Variants in BRAF observed in about 807,000 individuals in gnomAD.
BRAF encodes B-Raf proto-oncogene, serine/threonine kinase.
In BRAF, 16 loss-of-function variants were observed where a neutral mutation model predicts 104.6. That is an observed-to-expected ratio of 0.15 (90% confidence interval 0.10 to 0.23). BRAF has a LOEUF of 0.23. Ranked by LOEUF, BRAF falls within the 10% of genes least tolerant of loss-of-function variation. The pLI is 1.00. For synonymous variants in BRAF, 310 were observed against 341.6 expected, an observed-to-expected ratio of 0.91 and a Z score of 1.02; for missense variants, 541 against 937.3, an observed-to-expected ratio of 0.58 and a Z score of 5.52.
intron 1 of BRAF, among the ~76,000 whole-genome samples, chr7:140,899,876 G>T (rs1487649676): frequency 6.6e-6 from 1 of 152,138 alleles, no homozygotes; most frequent in African/African-American, 2.4e-5. Flanking sequence ...CTAACAAAAA[G>T]AATATGGCAG....
intron 5 of BRAF, among the ~76,000 whole-genome samples, chr7:140,804,139 G>A (rs1024646004): frequency 2.6e-5 from 4 of 151,756 alleles, no homozygotes; most frequent in Admixed American, 1.3e-4. Context: ...CGCCTGCCTC[G>A]TCTTCCCAGA....
chr7:140,776,442 A>C (rs1487936940), intron 14 of BRAF, among the ~76,000 whole-genome samples: 1 of 152,214 alleles, frequency 6.6e-6, no homozygotes, highest in Non-Finnish European at 1.5e-5. Flanking sequence ...GCAAAATTCA[A>C]CAGATAGGAA....
chr7:140,744,980 TA>T (rs1364592882), intron 17 of BRAF, among the ~76,000 whole-genome samples: 20 of 152,166 alleles, frequency 1.3e-4, no homozygotes, highest in African/African-American at 4.8e-4. Context: ...AGGTAATCAA[TA>T]AAAGGCTTTA....
At chr7:140,791,830 A>G (rs1025046528) in intron 8 of BRAF, among the ~76,000 whole-genome samples, 1 of 152,192 alleles carries the variant, frequency 6.6e-6, no homozygotes, top group South Asian at 2.1e-4. Flanking sequence ...TCTACTTCTC[A>G]TATTTTTCAC....
At chr7:140,833,717 C>T (rs545243123) in intron 3 of BRAF, among the ~76,000 whole-genome samples, 2 of 152,076 alleles carry the variant, frequency 1.3e-5, no homozygotes, top group African/African-American at 4.8e-5. Flanking sequence ...TATTTTATTA[C>T]TTTTTATTCC....
chr7:140,919,410 T>C (rs1006134972), intron 1 of BRAF, among the ~76,000 whole-genome samples: 6 of 152,142 alleles, frequency 3.9e-5, no homozygotes, highest in Admixed American at 1.3e-4. Context: ...TTACTGGGCA[T>C]TGAGTTCCCT....
chr7:140,785,120 T>C (rs1801223850), intron 10 of BRAF, among the ~76,000 whole-genome samples: 1 of 152,168 alleles, frequency 6.6e-6, no homozygotes, highest in African/African-American at 2.4e-5. Context: ...CTTTTTTTTG[T>C]CTTTTTTAAC....
intron 8 of BRAF, 80 bp from the exon 9 acceptor site, chr7:140,787,664 A>G (rs963913757): frequency 1.7e-6 from 2 of 1,162,088 alleles, no homozygotes; most frequent in African/African-American, 1.5e-5. Flanking sequence ...TTTTCCACTA[A>G]CGTTAAAAGA....
Position 140,875,627 on chromosome 7 carries a change from C to G in BRAF, c.139-25415G>C, listed in dbSNP as rs143626155. Among the ~76,000 whole-genome samples, 1,167 of 152,354 alleles carry G rather than the reference C, an allele frequency of 7.7e-3. 18 individuals are homozygous for G. The highest frequency in any genetic ancestry group is 0.027 in the African/African-American group (1,103 of 41,570). ...TCCCGACCTCCGGTGATCCACCCGC[C>G]TCGGCCTTCCAAAGTGCTGGGATTA... On this transcript the variant is annotated intron_variant, in intron 1 of 19. Coordinates refer to ENST00000644969, the MANE Select transcript of BRAF (RefSeq NM_001374258.1).
At chr7:140,923,405 A>T (rs1387433865) in intron 1 of BRAF, among the ~76,000 whole-genome samples, 1 of 152,192 alleles carries the variant, frequency 6.6e-6, no homozygotes. Context: ...TTTGTAATAA[A>T]TTTTATGTAA....
chr7:140,792,846 TAA>T (rs753893995), intron 8 of BRAF, among the ~76,000 whole-genome samples: 6 of 152,204 alleles, frequency 3.9e-5, no homozygotes, highest in Non-Finnish European at 7.3e-5. Flanking sequence ...ATAAAAATGC[TAA>T]AGAGTTTGCA....
At position 140,734,458 on chromosome 7, in the gene BRAF, T is replaced by C; in HGVS notation, c.2401+159A>G. ...TTTTAGTTTGGGGAAAAATTATATC[T>C]AGTCTTTAACCACACAAGTGTTCTT... On this transcript the variant is annotated intron_variant, in intron 19 of 19. Transcript: ENST00000644969. The C allele has an allele frequency of 3.2e-6, 5 of 1,564,976 alleles. No individual in the cohort carries two copies. In the East Asian group the frequency reaches 1.1e-4, roughly 35 times the overall value.
intron 1 of BRAF, among the ~76,000 whole-genome samples, chr7:140,870,871 TAAA>T (rs369012646): frequency 1.0e-4 from 13 of 125,148 alleles, no homozygotes; most frequent in African/African-American, 1.7e-4. Flanking sequence ...TTTTCTTACT[TAAA>T]AAAAAAAAAA....
At chr7:140,869,644 A>G (rs1315269726) in intron 1 of BRAF, among the ~76,000 whole-genome samples, 1 of 151,928 alleles carries the variant, frequency 6.6e-6, no homozygotes, top group Non-Finnish European at 1.5e-5. Flanking sequence ...AACAAAAAAA[A>G]AAAAAGAAAA....
intron 1 of BRAF, among the ~76,000 whole-genome samples, chr7:140,882,310 T>C (rs538016664): frequency 6.6e-6 from 1 of 152,276 alleles, no homozygotes; most frequent in Admixed American, 6.5e-5. Flanking sequence ...TTAGCCAACT[T>C]TGAGTTCATC....
intron 3 of BRAF, among the ~76,000 whole-genome samples, chr7:140,819,094 G>A (rs761856115): frequency 1.4e-4 from 22 of 152,090 alleles, no homozygotes; most frequent in Non-Finnish European, 3.1e-4. Flanking sequence ...ATCTCTAGAG[G>A]AAATAATCTT....
intron 3 of BRAF, among the ~76,000 whole-genome samples, chr7:140,831,341 A>G (rs1037884753): frequency 1.3e-5 from 2 of 152,184 alleles, no homozygotes; most frequent in Non-Finnish European, 2.9e-5. Context: ...TCCAGATGGA[A>G]GCAGAGTATT....
chr7:140,867,287 A>G (rs887293689), intron 1 of BRAF, among the ~76,000 whole-genome samples: 2 of 152,210 alleles, frequency 1.3e-5, no homozygotes, highest in Non-Finnish European at 2.9e-5. Flanking sequence ...AAGAAGTAGA[A>G]GAAATATTCC....
At chr7:140,830,224 T>C (rs183308316) in intron 3 of BRAF, among the ~76,000 whole-genome samples, 241 of 152,352 alleles carry the variant, frequency 1.6e-3, no homozygotes, top group Non-Finnish European at 2.2e-3. Context: ...GTTTTCTCTG[T>C]TGCTGTTGGT....
Sources: allele counts gnomAD v4.1 joint callset (sites outside exome capture counted in the v4.1 genomes callset), GRCh38; gene constraint gnomAD v4.1.1; transcripts MANE v1.5; gene names NCBI Gene and HGNC (gene_info 2026-07-23, HGNC 2026-07-21).